The following EPHB1 variants were observed in gnomAD, a reference collection of about 807,000 sequenced individuals.
EPHB1 encodes the protein ephrin type-B receptor 1.
A neutral mutation model predicts 94.4 loss-of-function variants in EPHB1; 30 were observed. The observed-to-expected ratio is 0.32, with a 90% confidence interval of 0.24 to 0.43. EPHB1 has a LOEUF of 0.43. Ranked by LOEUF, EPHB1 falls within the 20% of genes least tolerant of loss-of-function variation. The pLI is 1.00. For missense variants in EPHB1, 1,055 were observed against 1,308.3 expected (o/e 0.81, Z 2.99); for synonymous variants, 522 against 489.1 (o/e 1.07, Z -0.89).
chr3:135,255,074 A>G, intron 15 of EPHB1, among the ~76,000 whole-genome samples: 1 of 152,064 alleles, frequency 6.6e-6, no homozygotes, highest in East Asian at 1.9e-4. Context: ...CCCCTTTATC[A>G]TTTTTTATTG....
chr3:135,240,246 C>A (rs1576493004), intron 12 of EPHB1, among the ~76,000 whole-genome samples: 1 of 152,296 alleles, frequency 6.6e-6, no homozygotes, highest in Non-Finnish European at 1.5e-5. Flanking sequence ...GGGACACTGG[C>A]TTATTTCTGG....
chr3:134,911,865 A>C (rs1422111038), intron 1 of EPHB1, among the ~76,000 whole-genome samples: 1 of 152,044 alleles, frequency 6.6e-6, no homozygotes, highest in Non-Finnish European at 1.5e-5. Flanking sequence ...GCACGTCCCC[A>C]AGCCCCCCAC....
chr3:134,869,887 T>C (rs1029354100), intron 1 of EPHB1, among the ~76,000 whole-genome samples: 1 of 152,234 alleles, frequency 6.6e-6, no homozygotes, highest in African/African-American at 2.4e-5. Flanking sequence ...TAATGACAAA[T>C]ACAGCTGGCA....
intron 3 of EPHB1, among the ~76,000 whole-genome samples, chr3:135,048,185 T>C (rs1023065336): frequency 6.6e-6 from 1 of 151,604 alleles, no homozygotes; most frequent in African/African-American, 2.4e-5. Flanking sequence ...CTTAGTCCCT[T>C]TTCTGTCTGA....
chr3:134,795,269 G>A lies in EPHB1; in HGVS notation c.-363G>A, dbSNP rs753053369. The A allele has an allele frequency of 2.6e-6, 1 of 380,474 alleles. No homozygotes were observed. Among genetic ancestry groups the A allele is most frequent in the South Asian group, 4.1e-5 (1 of 24,450 alleles). The allele number at this position is 380,474 out of a possible 1,614,324, so 23.6% of individuals were successfully genotyped here. ...CGCTCCCTCCCGCGTCAGTCTGGCCGGCTCCGTCCTCCCGTAGGCTCCGCT... is the reference window on the plus strand; with the variant it reads ...CGCTCCCTCCCGCGTCAGTCTGGCCAGCTCCGTCCTCCCGTAGGCTCCGCT... On this transcript the variant is annotated 5_prime_UTR_variant, in exon 1 of 16. Coordinates refer to ENST00000398015, the MANE Select transcript of EPHB1 (RefSeq NM_004441.5).
chr3:135,217,496 G>A (rs1943180399), intron 12 of EPHB1, among the ~76,000 whole-genome samples: 1 of 151,426 alleles, frequency 6.6e-6, no homozygotes, highest in Admixed American at 6.6e-5. Context: ...AGAGAGAGAT[G>A]TGTGTAGTGT....
chr3:134,848,205 CA>C (rs1349094523), intron 1 of EPHB1, among the ~76,000 whole-genome samples: 1 of 152,088 alleles, frequency 6.6e-6, no homozygotes, highest in African/African-American at 2.4e-5. Flanking sequence ...TGACTGGGAC[CA>C]GGGGTTGTCT....
intron 1 of EPHB1, among the ~76,000 whole-genome samples, chr3:134,834,990 A>T (rs2036646698): frequency 6.6e-6 from 1 of 152,326 alleles, no homozygotes; most frequent in Middle Eastern, 3.4e-3. Flanking sequence ...AACAAATGCT[A>T]CTTCCTCAGT....
At chr3:135,065,775 A>T (rs1045403092) in intron 3 of EPHB1, among the ~76,000 whole-genome samples, 1 of 151,926 alleles carries the variant, frequency 6.6e-6, no homozygotes, top group Non-Finnish European at 1.5e-5. Context: ...TTTAAATTGT[A>T]CTTTTGTTTT....
At chr3:135,151,737 A>C (rs995598968) in intron 5 of EPHB1, among the ~76,000 whole-genome samples, 3 of 152,248 alleles carry the variant, frequency 2.0e-5, no homozygotes, top group Admixed American at 1.3e-4. Flanking sequence ...GCAAGAAAAA[A>C]TACACTTGAC....
At chr3:134,995,093 C>G (rs1460384210) in intron 3 of EPHB1, among the ~76,000 whole-genome samples, 2 of 152,110 alleles carry the variant, frequency 1.3e-5, no homozygotes, top group African/African-American at 4.8e-5. Flanking sequence ...AGTTTCATCA[C>G]AAGCTTCCCT....
chr3:134,819,778 C>T (rs919178642), intron 1 of EPHB1, among the ~76,000 whole-genome samples: 4 of 152,200 alleles, frequency 2.6e-5, no homozygotes, highest in African/African-American at 7.2e-5. Flanking sequence ...AAGCTTCTCT[C>T]ACTTTTGTCT....
At chr3:134,859,457 C>T (rs897658535) in intron 1 of EPHB1, among the ~76,000 whole-genome samples, 3 of 152,212 alleles carry the variant, frequency 2.0e-5, no homozygotes, top group Non-Finnish European at 2.9e-5. Flanking sequence ...AGATCTGGGT[C>T]CTGATCTGGG....
At chr3:135,252,437 T>C (rs1933165275) in intron 15 of EPHB1, among the ~76,000 whole-genome samples, 1 of 139,236 alleles carries the variant, frequency 7.2e-6, no homozygotes, top group African/African-American at 2.7e-5. Context: ...CATTGTTCAA[T>C]TCCCACCTAT....
At chr3:134,972,850 T>C (rs1185582695) in intron 3 of EPHB1, among the ~76,000 whole-genome samples, 1 of 152,138 alleles carries the variant, frequency 6.6e-6, no homozygotes, top group Admixed American at 6.5e-5. Flanking sequence ...CTTTCTTGAA[T>C]GGGAGCAGGC....
At chr3:135,180,918 T>C (rs1355779082) in intron 10 of EPHB1, among the ~76,000 whole-genome samples, 1 of 152,228 alleles carries the variant, frequency 6.6e-6, no homozygotes, top group Admixed American at 6.5e-5. Context: ...TAATATGCTG[T>C]CATCTTTTTT....
At chr3:134,850,295 T>C (rs2036954382) in intron 1 of EPHB1, among the ~76,000 whole-genome samples, 1 of 152,168 alleles carries the variant, frequency 6.6e-6, no homozygotes. Flanking sequence ...GTTACTGCCA[T>C]TGTCATATCT....
chr3:134,866,432 T>C (rs529079184), intron 1 of EPHB1, among the ~76,000 whole-genome samples: 4 of 152,178 alleles, frequency 2.6e-5, no homozygotes, highest in Admixed American at 2.0e-4. Context: ...CCAAAGGCCA[T>C]GCCCACTTCT....
chr3:134,828,558 G>C (rs2036527546), intron 1 of EPHB1, among the ~76,000 whole-genome samples: 1 of 152,208 alleles, frequency 6.6e-6, no homozygotes, highest in South Asian at 2.1e-4. Flanking sequence ...CTGAATTACT[G>C]CCCCAGGGTC....
Sources: gnomAD v4.1 joint callset for allele counts (sites outside exome capture counted in the v4.1 genomes callset) on GRCh38, gnomAD v4.1.1 for gene constraint, MANE v1.5 for transcripts, NCBI Gene and HGNC (gene_info 2026-07-23, HGNC 2026-07-21) for gene names.